The following IFT88 variants were observed in gnomAD, a reference collection of about 807,000 sequenced individuals.
The protein encoded by IFT88 is intraflagellar transport protein 88 homolog.
A neutral mutation model predicts 119.5 loss-of-function variants in IFT88; 74 were observed. That is an observed-to-expected ratio of 0.62 (90% CI 0.51 to 0.75). The LOEUF is 0.75. Ranked by LOEUF, IFT88 falls within the 30% of genes least tolerant of loss-of-function variation. The pLI is 0.00. For missense variants in IFT88, 961 were observed against 977.7 expected (o/e 0.98, Z 0.23); for synonymous variants, 279 against 316.7 (o/e 0.88, Z 1.26).
intron 14 of IFT88, among the ~76,000 whole-genome samples, chr13:20,622,371 A>G (rs1276854960): frequency 1.3e-5 from 2 of 152,230 alleles, no homozygotes; most frequent in Non-Finnish European, 2.9e-5. Flanking sequence ...TGGAAATTAC[A>G]GTAAGTATAT....
chr13:20,580,830 A>T (rs1255796409), intron 2 of IFT88, among the ~76,000 whole-genome samples: 1 of 145,644 alleles, frequency 6.9e-6, no homozygotes, highest in African/African-American at 2.6e-5. Flanking sequence ...GGTTCATGCC[A>T]TTCTCCTGCC....
At chr13:20,676,496 C>T (rs139088427) in intron 24 of IFT88, among the ~76,000 whole-genome samples, 96 of 152,312 alleles carry the variant, frequency 6.3e-4, no homozygotes, top group Non-Finnish European at 1.0e-3. Flanking sequence ...GCACTGCCAG[C>T]GCCCATGTTC....
intron 2 of IFT88, among the ~76,000 whole-genome samples, chr13:20,579,808 T>G (rs2138195547): frequency 6.6e-6 from 1 of 152,322 alleles, no homozygotes; most frequent in South Asian, 2.1e-4. Flanking sequence ...TCCCACTGTA[T>G]GTACTACCTG....
chr13:20,631,408 G>C (rs915166606), intron 16 of IFT88: 1 of 244,928 alleles, frequency 4.1e-6, no homozygotes. Context: ...TGTGTTATTG[G>C]TAAAGAAAGT....
At chr13:20,602,698 C>T (rs1404966221) in intron 12 of IFT88, among the ~76,000 whole-genome samples, 1 of 152,088 alleles carries the variant, frequency 6.6e-6, no homozygotes, top group Non-Finnish European at 1.5e-5. Flanking sequence ...GCCTGACCAA[C>T]AGGGCGAAAT....
intron 6 of IFT88, 74 bp downstream of exon 6, chr13:20,591,755 AC>A: frequency 1.1e-6 from 1 of 942,310 alleles, no homozygotes; most frequent in Non-Finnish European, 1.6e-6. Flanking sequence ...TATAAATATT[AC>A]TGTCATTTTA....
intron 24 of IFT88, among the ~76,000 whole-genome samples, chr13:20,680,158 A>T (rs770835302): frequency 5.3e-5 from 8 of 152,222 alleles, no homozygotes; most frequent in Non-Finnish European, 8.8e-5. Flanking sequence ...GAGCATAATA[A>T]TTGTGATAAA....
At position 20,592,316 on chromosome 13, in the gene IFT88, C is replaced by T. The variant is rs1268763108; in HGVS notation, c.329-19C>T. 1.3e-6 allele frequency: 2 copies of T among 1,594,252 alleles called. No individual in the cohort carries two copies. Among genetic ancestry groups the T allele is most frequent in the South Asian group, 1.1e-5 (1 of 88,488 alleles). The stretch of plus-strand genomic sequence containing the variant: ...TGCTGAGTTACAAATTGAATATTAA[C>T]TCTTGAATTGTGTCTCAGGCTCTGC... On this transcript the variant is annotated intron_variant, in intron 6 of 25. Transcript: ENST00000351808.
intron 23 of IFT88, among the ~76,000 whole-genome samples, chr13:20,667,764 CTT>C (rs1325762148): frequency 6.6e-6 from 1 of 152,062 alleles, no homozygotes; most frequent in Non-Finnish European, 1.5e-5. Context: ...TTTATATCCT[CTT>C]TCTCAGAAAG....
chr13:20,681,835 C>T (rs61955702), intron 24 of IFT88, among the ~76,000 whole-genome samples: 1,813 of 152,312 alleles, frequency 0.012, 17 homozygotes, highest in Admixed American at 0.018. Flanking sequence ...CTACAAGCTC[C>T]GCTTTTTGAG....
intron 20 of IFT88, among the ~76,000 whole-genome samples, chr13:20,650,371 C>G (rs925809931): frequency 2.0e-5 from 3 of 152,078 alleles, no homozygotes; most frequent in Non-Finnish European, 4.4e-5. Flanking sequence ...AGAAAAAACC[C>G]ACGTGATCAG....
At chr13:20,653,306 C>T (rs1180226625) in intron 20 of IFT88, among the ~76,000 whole-genome samples, 3 of 152,150 alleles carry the variant, frequency 2.0e-5, no homozygotes, top group Non-Finnish European at 4.4e-5. Flanking sequence ...ATGAGGCGAG[C>T]ATAAATTGTT....
At chr13:20,577,655 T>C (rs549651199) in intron 2 of IFT88, among the ~76,000 whole-genome samples, 127 of 152,208 alleles carry the variant, frequency 8.3e-4, no homozygotes, top group Admixed American at 2.8e-3. Context: ...ATGTATTACA[T>C]TGATTGATTT....
At chr13:20,613,932 A>T (rs1039843818) in intron 13 of IFT88, among the ~76,000 whole-genome samples, 3 of 152,182 alleles carry the variant, frequency 2.0e-5, no homozygotes, top group Non-Finnish European at 4.4e-5. Context: ...AAAGGTATAA[A>T]TTAGGCAAAT....
intron 24 of IFT88, among the ~76,000 whole-genome samples, chr13:20,674,113 T>G (rs2056311045): frequency 6.6e-6 from 1 of 152,202 alleles, no homozygotes; most frequent in African/African-American, 2.4e-5. Context: ...GAATCGTGTT[T>G]TCTGTCCGCC....
chr13:20,624,028 T>C (rs557136328), intron 14 of IFT88, among the ~76,000 whole-genome samples: 8 of 152,348 alleles, frequency 5.3e-5, no homozygotes, highest in Non-Finnish European at 7.3e-5. Flanking sequence ...GCATTTCTTA[T>C]TATCTTTTCC....
chr13:20,668,121 C>T (rs549593235), intron 23 of IFT88, among the ~76,000 whole-genome samples: 6 of 152,318 alleles, frequency 3.9e-5, no homozygotes, highest in African/African-American at 1.2e-4. Flanking sequence ...ACTTTACCTC[C>T]ATCACACTCT....
intron 24 of IFT88, among the ~76,000 whole-genome samples, chr13:20,676,201 CCCATT>C (rs2056637746): frequency 1.3e-5 from 2 of 152,304 alleles, no homozygotes; most frequent in Admixed American, 1.3e-4. Flanking sequence ...TTGTCATAAT[CCCATT>C]CCTGGCATTC....
chr13:20,677,332 G>A (rs945964098), intron 24 of IFT88, among the ~76,000 whole-genome samples: 7 of 152,190 alleles, frequency 4.6e-5, no homozygotes, highest in Admixed American at 1.3e-4. Context: ...AATTGCAGCT[G>A]TAACAATGTA....
Sources: allele counts gnomAD v4.1 joint callset (sites outside exome capture counted in the v4.1 genomes callset), GRCh38; gene constraint gnomAD v4.1.1; transcripts MANE v1.5; gene names NCBI Gene and HGNC (gene_info 2026-07-23, HGNC 2026-07-21).